MBD5: variants seen among roughly 807,000 people sequenced by gnomAD.
The protein encoded by MBD5 is methyl-CpG binding domain protein 5.
Under a neutral mutation model 117.3 loss-of-function variants are expected in MBD5, and 13 were observed. That is an observed-to-expected ratio of 0.11 (90% CI 0.07 to 0.18). MBD5 has a LOEUF of 0.18. Among genes scored for constraint, MBD5 ranks in the 10% least tolerant of loss-of-function variants. The pLI is 1.00. For missense variants in MBD5, 1,879 were observed against 2,093.8 expected (o/e 0.90, Z 2.00); for synonymous variants, 727 against 766.4 (o/e 0.95, Z 0.85).
chr2:148,300,010 G>C (rs931633481), intron 3 of MBD5, among the ~76,000 whole-genome samples: 3 of 151,952 alleles, frequency 2.0e-5, no homozygotes, highest in African/African-American at 7.2e-5. Context: ...AGTAATATGA[G>C]ATATCAGGGA....
chr2:148,443,668 T>C (rs1343121891), intron 4 of MBD5, among the ~76,000 whole-genome samples: 1 of 151,290 alleles, frequency 6.6e-6, no homozygotes, highest in Non-Finnish European at 1.5e-5. Context: ...TTCTCACTTA[T>C]TTGTGGGAGC....
intron 3 of MBD5, among the ~76,000 whole-genome samples, chr2:148,271,087 AT>A (rs1700975616): frequency 6.6e-6 from 1 of 152,054 alleles, no homozygotes; most frequent in Non-Finnish European, 1.5e-5. Context: ...TGCTGCCTTT[AT>A]TTTTATTGTT....
At chr2:148,312,073 C>G (rs1702045279) in intron 3 of MBD5, among the ~76,000 whole-genome samples, 1 of 152,118 alleles carries the variant, frequency 6.6e-6, no homozygotes, top group Admixed American at 6.5e-5. Context: ...ACTCTGGCTG[C>G]CCTTAACATT....
intron 3 of MBD5, among the ~76,000 whole-genome samples, chr2:148,282,709 A>G (rs1701277367): frequency 1.3e-5 from 2 of 151,644 alleles, no homozygotes; most frequent in South Asian, 4.1e-4. Flanking sequence ...TACATGTAGC[A>G]TAATAATTTT....
chr2:148,334,315 A>C (rs1358174985), intron 3 of MBD5, among the ~76,000 whole-genome samples: 1 of 150,614 alleles, frequency 6.6e-6, no homozygotes, highest in South Asian at 2.1e-4. Context: ...CTCATCTCTC[A>C]TTCTCCTTTT....
chr2:148,313,498 G>A (rs1029640675), intron 3 of MBD5, among the ~76,000 whole-genome samples: 1 of 151,996 alleles, frequency 6.6e-6, no homozygotes, highest in African/African-American at 2.4e-5. Flanking sequence ...CCTGCTCCAA[G>A]CTCGAGCCTC....
At chr2:148,066,071 T>TA (rs1695181611) in intron 1 of MBD5, among the ~76,000 whole-genome samples, 1 of 152,136 alleles carries the variant, frequency 6.6e-6, no homozygotes, top group South Asian at 2.1e-4. Flanking sequence ...TCCCAGCACT[T>TA]AAGGAGGCAA....
intron 11 of MBD5, among the ~76,000 whole-genome samples, chr2:148,497,336 C>A (rs921690188): frequency 4.6e-5 from 7 of 151,914 alleles, no homozygotes; most frequent in Non-Finnish European, 8.8e-5. Flanking sequence ...TATGTAAAAT[C>A]ATAATATTAC....
chr2:148,381,358 AAG>A (rs1704137565), intron 4 of MBD5, among the ~76,000 whole-genome samples: 1 of 152,238 alleles, frequency 6.6e-6, no homozygotes, highest in Non-Finnish European at 1.5e-5. Context: ...AACTGGAAGA[AAG>A]GGTATCAGCA....
intron 7 of MBD5, among the ~76,000 whole-genome samples, chr2:148,467,531 A>G (rs577671622): frequency 6.6e-6 from 1 of 152,288 alleles, no homozygotes; most frequent in African/African-American, 2.4e-5. Flanking sequence ...CACCCTGAAT[A>G]CACCCAATTG....
intron 4 of MBD5, among the ~76,000 whole-genome samples, chr2:148,374,051 A>C (rs988148360): frequency 1.3e-5 from 2 of 152,100 alleles, no homozygotes; most frequent in Non-Finnish European, 2.9e-5. Context: ...GATAAGTATA[A>C]TGCAAATATT....
intron 1 of MBD5, among the ~76,000 whole-genome samples, chr2:148,115,514 A>T (rs780217984): frequency 2.6e-5 from 4 of 152,228 alleles, no homozygotes; most frequent in African/African-American, 4.8e-5. Flanking sequence ...GCACAGAAGA[A>T]GTACTAAAAT....
At chr2:148,242,367 A>G (rs565098924) in intron 3 of MBD5, among the ~76,000 whole-genome samples, 4 of 121,614 alleles carry the variant, frequency 3.3e-5, no homozygotes, top group African/African-American at 1.2e-4. Context: ...TCATTTCTAT[A>G]TTACACACAC....
chr2:148,260,033 G>T (rs570167780), intron 3 of MBD5, among the ~76,000 whole-genome samples: 3 of 152,354 alleles, frequency 2.0e-5, no homozygotes, highest in East Asian at 3.9e-4. Flanking sequence ...TCAGGGTAAT[G>T]ATTGCTGAAT....
At chr2:148,294,514 T>TGTTTTTTTTTTTTGTTTTG (rs796734529) in intron 3 of MBD5, among the ~76,000 whole-genome samples, 1 of 138,690 alleles carries the variant, frequency 7.2e-6, no homozygotes, top group African/African-American at 2.7e-5. Context: ...TTTTTTTTTT[T>TGTTTTTTTTTTTTGTTTTG]TTTTTTTGAG....
chr2:148,204,515 G>A (rs2105974316), intron 2 of MBD5, among the ~76,000 whole-genome samples: 1 of 152,224 alleles, frequency 6.6e-6, no homozygotes, highest in African/African-American at 2.4e-5. Flanking sequence ...AGTTGACCTA[G>A]AACTGTCAAT....
chr2:148,493,836 C>T (rs1277104201), intron 11 of MBD5, among the ~76,000 whole-genome samples: 1 of 152,138 alleles, frequency 6.6e-6, no homozygotes, highest in African/African-American at 2.4e-5. Flanking sequence ...TAAACACAGT[C>T]TGCAGAGAAC....
intron 3 of MBD5, among the ~76,000 whole-genome samples, chr2:148,256,242 G>C (rs746842870): frequency 6.6e-6 from 1 of 152,204 alleles, no homozygotes; most frequent in African/African-American, 2.4e-5. Context: ...ACCCCAATGC[G>C]TATTGACCTG....
intron 4 of MBD5, among the ~76,000 whole-genome samples, chr2:148,415,694 G>A (rs1327673399): frequency 6.6e-6 from 1 of 152,032 alleles, no homozygotes; most frequent in Non-Finnish European, 1.5e-5. Context: ...GTCTGACTGA[G>A]TTATTTCGCA....
Sources: allele counts gnomAD v4.1 joint callset (sites outside exome capture counted in the v4.1 genomes callset), GRCh38; gene constraint gnomAD v4.1.1; transcripts MANE v1.5; gene names NCBI Gene and HGNC (gene_info 2026-07-23, HGNC 2026-07-21).